CADPS: variants seen among roughly 807,000 people sequenced by gnomAD.
CADPS encodes the protein calcium dependent secretion activator.
CADPS carries 57 observed loss-of-function variants against 167.3 expected under a neutral mutation model. That is an observed-to-expected ratio of 0.34 (90% CI 0.28 to 0.42). The LOEUF is 0.42. Among genes scored for constraint, CADPS ranks in the 20% least tolerant of loss-of-function variants. The probability of loss-of-function intolerance (pLI) is 1.00; values close to 1 mark genes in which losing one functional copy is unlikely to be tolerated. For synonymous variants in CADPS, 676 were observed against 635.3 expected (o/e 1.06, Z -0.96); for missense variants, 1,414 against 1,738.1 (o/e 0.81, Z 3.32).
At chr3:62,740,256 C>T (rs1195372677) in intron 3 of CADPS, among the ~76,000 whole-genome samples, 1 of 152,154 alleles carries the variant, frequency 6.6e-6, no homozygotes, top group Non-Finnish European at 1.5e-5. Flanking sequence ...TGGAAGATCC[C>T]CAAAGTGCAA....
In CADPS at chr3:62,631,403, C is replaced by T. The variant is rs560926104; in HGVS notation, c.1325+14319G>A. On this transcript the variant is annotated intron_variant, in intron 6 of 29. Transcript: ENST00000383710. Reference sequence around the variant, plus strand: ...CACTCTATTTACAAAAGGACTTATACTGTTACTAGTTCCTGTGAAAGACCT... The same window carrying T: ...CACTCTATTTACAAAAGGACTTATATTGTTACTAGTTCCTGTGAAAGACCT... Among the ~76,000 whole-genome samples, 18 of 152,250 alleles carry T rather than the reference C, an allele frequency of 1.2e-4. No homozygotes were observed. The East Asian group carries it at 1.7e-3, about 15-fold the overall frequency.
At chr3:62,454,590 A>G (rs1287493492) in intron 26 of CADPS, among the ~76,000 whole-genome samples, 1 of 152,202 alleles carries the variant, frequency 6.6e-6, no homozygotes, top group African/African-American at 2.4e-5. Flanking sequence ...ATGACTGTGG[A>G]AGTATTTTGA....
At chr3:62,663,880 A>G (rs2073900183) in intron 3 of CADPS, among the ~76,000 whole-genome samples, 1 of 152,180 alleles carries the variant, frequency 6.6e-6, no homozygotes, top group Non-Finnish European at 1.5e-5. Context: ...TTTTCCTTAG[A>G]TCATGAAAAC....
At chr3:62,521,549 T>C (rs1406867024) in intron 13 of CADPS, among the ~76,000 whole-genome samples, 2 of 152,190 alleles carry the variant, frequency 1.3e-5, no homozygotes, top group African/African-American at 4.8e-5. Flanking sequence ...CCTTTCTCAA[T>C]GCTAAATCAC....
At position 62,455,374 on chromosome 3, in the gene CADPS, G is replaced by A. The variant is rs754025572; in HGVS notation, c.3637-9577C>T. Among the ~76,000 whole-genome samples the A allele has an allele frequency of 3.9e-5, 6 of 152,106 alleles. No homozygotes were observed. The highest frequency in any genetic ancestry group is 7.3e-5 in the Non-Finnish European group (5 of 68,036). On this transcript the variant is annotated intron_variant, in intron 26 of 29. Coordinates refer to ENST00000383710, the MANE Select transcript of CADPS (RefSeq NM_003716.4). The surrounding 1 kb of genome is among the most constrained non-coding windows in gnomAD (Gnocchi z 4.4). Reference sequence around the variant, plus strand: ...GGAATTCACCCTCACAATGGTGGGCGTGAAATTCTCATTGCTTACAGATGA... The same window carrying A: ...GGAATTCACCCTCACAATGGTGGGCATGAAATTCTCATTGCTTACAGATGA...
rs375115580 is a variant in CADPS at position 62,825,912 on chromosome 3, G to A, written c.441+48677C>T. ...CACACACTTGAGCTGGGAGATTTTC[G>A]CAGCACTTAAGGCATCAGGGGAGAA... is the stretch of plus-strand genomic sequence containing the variant. On this transcript the variant is annotated intron_variant, in intron 1 of 29. Transcript: ENST00000383710. Among the ~76,000 whole-genome samples, 18 of 152,178 alleles carry A rather than the reference G, an allele frequency of 1.2e-4. No individual in the cohort carries two copies. In the South Asian group the frequency reaches 1.7e-3, roughly 14 times the overall value.
intron 9 of CADPS, among the ~76,000 whole-genome samples, chr3:62,564,150 C>T (rs770999507): frequency 1.4e-4 from 22 of 152,118 alleles, no homozygotes; most frequent in African/African-American, 4.3e-4. Context: ...TACAGGTGCC[C>T]GCCACCACGC....
chr3:62,619,782 T>C (rs2062877988), intron 6 of CADPS, among the ~76,000 whole-genome samples: 1 of 152,178 alleles, frequency 6.6e-6, no homozygotes, highest in Non-Finnish European at 1.5e-5. Flanking sequence ...TTTTGAAGTG[T>C]TACAGTTTTC....
At chr3:62,475,132 A>G (rs1034757704) in intron 23 of CADPS, among the ~76,000 whole-genome samples, 3 of 152,258 alleles carry the variant, frequency 2.0e-5, no homozygotes, top group South Asian at 2.1e-4. Flanking sequence ...TGAAAGTAAC[A>G]TAATTCTGAC....
At chr3:62,449,947 T>C (rs1249061532) in intron 26 of CADPS, among the ~76,000 whole-genome samples, 1 of 152,172 alleles carries the variant, frequency 6.6e-6, no homozygotes. Context: ...ACTTAACTTC[T>C]CTGAGCTTCC....
At chr3:62,830,256 C>A (rs879720309) in intron 1 of CADPS, among the ~76,000 whole-genome samples, 1 of 152,168 alleles carries the variant, frequency 6.6e-6, no homozygotes, top group Non-Finnish European at 1.5e-5. Context: ...AATTCTCCCC[C>A]TCCCCTAGCC....
chr3:62,611,908 CAT>C (rs902545185), intron 6 of CADPS, among the ~76,000 whole-genome samples: 6 of 152,160 alleles, frequency 3.9e-5, no homozygotes, highest in African/African-American at 7.2e-5. Context: ...TGCCACCCGA[CAT>C]ATGTTTTATT....
chr3:62,403,844 G>C (rs745770290), intron 28 of CADPS: 2 of 152,026 alleles, frequency 1.3e-5, no homozygotes, highest in Non-Finnish European at 2.9e-5. Flanking sequence ...AATTATGGAA[G>C]ATGAGAGAAA....
chr3:62,731,805 CAAAAAAAAAA>C (rs1212456893), intron 3 of CADPS, among the ~76,000 whole-genome samples: 2 of 27,136 alleles, frequency 7.4e-5, no homozygotes, highest in African/African-American at 1.6e-4. Context: ...TGATCATATG[CAAAAAAAAAA>C]AAAAAAAAAA....
rs1562709133 is a variant in CADPS, at chr3:62,599,745, A to ATTATATATATTGTATATATAATAT, written c.1326-6998_1326-6997insATATTATATATACAATATATATAA. 2.7e-3 allele frequency among the ~76,000 whole-genome samples: 67 copies of ATTATATATATTGTATATATAATAT among 24,468 alleles called. 8 individuals carry two copies. Among genetic ancestry groups the ATTATATATATTGTATATATAATAT allele is most frequent in the Admixed American group, 6.6e-3 (9 of 1,362 alleles). The allele number at this position is 24,468 out of a possible 152,430, so 16.1% of individuals were successfully genotyped here. The stretch of plus-strand genomic sequence containing the variant: ...TATATATAGTATATATAATATATAT[A>ATTATATATATTGTATATATAATAT]ATCTATTATATATATTGTATATATA... On this transcript the variant is annotated intron_variant, in intron 6 of 29. Transcript: ENST00000383710.
At chr3:62,564,421 C>A (rs980261633) in intron 9 of CADPS, among the ~76,000 whole-genome samples, 1 of 152,120 alleles carries the variant, frequency 6.6e-6, no homozygotes, top group African/African-American at 2.4e-5. Context: ...CACTGTAGTA[C>A]AGAAAGGTTG....
intron 1 of CADPS, among the ~76,000 whole-genome samples, chr3:62,792,358 C>CA (rs1559642977): frequency 6.6e-6 from 1 of 151,938 alleles, no homozygotes; most frequent in Admixed American, 6.6e-5. Context: ...CATGCACCCC[C>CA]ATGCCTGGCT....
chr3:62,820,523 G>A (rs1049559599), intron 1 of CADPS, among the ~76,000 whole-genome samples: 1 of 152,116 alleles, frequency 6.6e-6, no homozygotes, highest in Non-Finnish European at 1.5e-5. Context: ...GGCTGGTTAT[G>A]TGTTTTTAAC....
At chr3:62,549,022 G>A (rs1046516820) in intron 11 of CADPS, among the ~76,000 whole-genome samples, 1 of 152,128 alleles carries the variant, frequency 6.6e-6, no homozygotes, top group Non-Finnish European at 1.5e-5. Flanking sequence ...CTAGACAGTT[G>A]CTCAATGACC....
Sources: allele counts gnomAD v4.1 joint callset (sites outside exome capture counted in the v4.1 genomes callset), GRCh38; gene constraint gnomAD v4.1.1; non-coding constraint Gnocchi (gnomAD v3.1); transcripts MANE v1.5; gene names NCBI Gene and HGNC (gene_info 2026-07-23, HGNC 2026-07-21).